The following ADGRB3 variants were observed in gnomAD, a reference collection of about 807,000 sequenced individuals.
ADGRB3 encodes the protein brain-specific angiogenesis inhibitor 3.
In ADGRB3, 37 loss-of-function variants were observed where a neutral mutation model predicts 193.4. The observed-to-expected ratio is 0.19, with a 90% confidence interval of 0.15 to 0.25. ADGRB3 has a LOEUF of 0.25. Ranked by LOEUF, ADGRB3 falls within the 10% of genes least tolerant of loss-of-function variation. The pLI is 1.00. For synonymous variants in ADGRB3, 690 were observed against 644.2 expected, an observed-to-expected ratio of 1.07 and a Z score of -1.08; for missense variants, 1,637 against 1,852.9, an observed-to-expected ratio of 0.88 and a Z score of 2.14.
intron 3 of ADGRB3, among the ~76,000 whole-genome samples, chr6:68,655,570 G>C (rs1768472120): frequency 1.3e-5 from 2 of 151,616 alleles, no homozygotes; most frequent in African/African-American, 4.8e-5. Flanking sequence ...AATGCCTCCT[G>C]GACTGTTAAG....
At chr6:68,714,681 T>A (rs1179330975) in intron 3 of ADGRB3, among the ~76,000 whole-genome samples, 2 of 151,886 alleles carry the variant, frequency 1.3e-5, no homozygotes, top group Non-Finnish European at 1.5e-5. Context: ...ATATATGGTA[T>A]ATCTCAGGAA....
Position 68,936,674 on chromosome 6 carries a change from TGTCCAG to T in ADGRB3, c.1027_1030+2del. The stretch of plus-strand genomic sequence containing the variant: ...AAGGGTTTGCAATAACACTGCCCTC[TGTCCAG>T]GTAGTGTTAGCAGCAACTACAACTG... On this transcript the variant is annotated inframe_deletion and splice_region_variant, in exon 5 of 32. Transcript: ENST00000370598. 1 of 1,612,640 alleles carries T rather than the reference TGTCCAG, an allele frequency of 6.2e-7. No homozygotes were observed. Among genetic ancestry groups the T allele is most frequent in the Non-Finnish European group, 8.5e-7 (1 of 1,179,434 alleles).
intron 2 of ADGRB3, 116 bp downstream of exon 2, chr6:68,637,678 G>A (rs1328008863): frequency 6.6e-6 from 1 of 152,388 alleles, no homozygotes; most frequent in Non-Finnish European, 1.5e-5. Context: ...TTTAATAATT[G>A]AAATCTGCTA....
At chr6:68,964,295 A>T (rs1442332838) in intron 8 of ADGRB3, among the ~76,000 whole-genome samples, 1 of 152,134 alleles carries the variant, frequency 6.6e-6, no homozygotes, top group Admixed American at 6.6e-5. Flanking sequence ...TTTAAGCCAG[A>T]GCTTCTCAAG....
chr6:68,958,829 ATAATT>A (rs1449359270), intron 8 of ADGRB3, among the ~76,000 whole-genome samples: 1 of 151,948 alleles, frequency 6.6e-6, no homozygotes, highest in Non-Finnish European at 1.5e-5. Context: ...AATCAGCTAA[ATAATT>A]TAAACATCAC....
chr6:69,291,150 CTGAGGAATAAAAG>C (rs1157646020), intron 20 of ADGRB3, among the ~76,000 whole-genome samples: 1 of 152,024 alleles, frequency 6.6e-6, no homozygotes, highest in Non-Finnish European at 1.5e-5. Context: ...ATTTGCTTTG[CTGAGGAATAAAAG>C]TGAGGGATAA....
At chr6:68,847,828 A>C (rs748954511) in intron 3 of ADGRB3, among the ~76,000 whole-genome samples, 5 of 152,142 alleles carry the variant, frequency 3.3e-5, no homozygotes, top group African/African-American at 4.8e-5. Flanking sequence ...AAAAGGAGTA[A>C]GTAAAATGTA....
chr6:69,309,988 A>C (rs1009786346), intron 20 of ADGRB3, among the ~76,000 whole-genome samples: 1 of 151,616 alleles, frequency 6.6e-6, no homozygotes, highest in Non-Finnish European at 1.5e-5. Context: ...GTCTTCCTCA[A>C]CCTTGGCCCA....
chr6:68,707,665 T>C (rs1404813830), intron 3 of ADGRB3, among the ~76,000 whole-genome samples: 1 of 152,172 alleles, frequency 6.6e-6, no homozygotes, highest in Non-Finnish European at 1.5e-5. Flanking sequence ...TTAAAATAAG[T>C]TCATCAATTC....
intron 3 of ADGRB3, among the ~76,000 whole-genome samples, chr6:68,890,382 T>C (rs1332266713): frequency 2.0e-5 from 3 of 152,216 alleles, no homozygotes; most frequent in Non-Finnish European, 4.4e-5. Context: ...TCTGAGGGAC[T>C]ACAACGTGAC....
At chr6:68,815,637 GT>G (rs1158471287) in intron 3 of ADGRB3, among the ~76,000 whole-genome samples, 4 of 146,578 alleles carry the variant, frequency 2.7e-5, no homozygotes, top group African/African-American at 1.0e-4. Flanking sequence ...GTGTGTGTGT[GT>G]GTGCATGTAG....
At chr6:68,808,878 G>A (rs554269872) in intron 3 of ADGRB3, among the ~76,000 whole-genome samples, 65 of 152,256 alleles carry the variant, frequency 4.3e-4, no homozygotes, top group African/African-American at 1.5e-3. Context: ...GAGTAACACT[G>A]CGTGTTGTTA....
At chr6:68,855,510 T>C (rs1160812456) in intron 3 of ADGRB3, among the ~76,000 whole-genome samples, 6 of 151,930 alleles carry the variant, frequency 3.9e-5, no homozygotes, top group African/African-American at 1.4e-4. Context: ...ATATAATATA[T>C]GTGATTTATT....
chr6:68,769,253 A>G (rs933498082), intron 3 of ADGRB3, among the ~76,000 whole-genome samples: 2 of 152,176 alleles, frequency 1.3e-5, no homozygotes, highest in Non-Finnish European at 2.9e-5. Context: ...TGTTTATTGC[A>G]GCACTATTCA....
At chr6:69,260,143 A>G (rs1235711735) in intron 20 of ADGRB3, among the ~76,000 whole-genome samples, 1 of 152,200 alleles carries the variant, frequency 6.6e-6, no homozygotes, top group Non-Finnish European at 1.5e-5. Flanking sequence ...CGAAGATTTG[A>G]AGGAGGAACA....
Position 69,078,231 on chromosome 6 carries a change from A to C in ADGRB3, c.2480+2193A>C, listed in dbSNP as rs1232439656. ...AAGTTGCTGTTATTTTTAATTTTTA[A>C]AAATTGATTTTTAATTACAAAAGCA... On this transcript the variant is annotated intron_variant, in intron 17 of 31. Coordinates refer to ENST00000370598, the MANE Select transcript of ADGRB3 (RefSeq NM_001704.3). Among the ~76,000 whole-genome samples the C allele has an allele frequency of 2.6e-5, 4 of 151,928 alleles. No individual in the cohort carries two copies. The East Asian group carries it at 7.7e-4, about 29-fold the overall frequency.
chr6:68,752,663 G>A (rs1002418117), intron 3 of ADGRB3, among the ~76,000 whole-genome samples: 5 of 152,296 alleles, frequency 3.3e-5, no homozygotes, highest in Middle Eastern at 3.4e-3. Context: ...TTTGAAATGA[G>A]AAGGTGGGTC....
chr6:68,883,592 C>T (rs1765802786), intron 3 of ADGRB3, among the ~76,000 whole-genome samples: 2 of 151,956 alleles, frequency 1.3e-5, no homozygotes, highest in South Asian at 4.2e-4. Context: ...GAGTGAACAA[C>T]TCTGGACTGG....
intron 13 of ADGRB3, among the ~76,000 whole-genome samples, chr6:69,028,355 T>A (rs3799016): frequency 0.42 from 64,558 of 151,992 alleles, 14,402 homozygotes; most frequent in African/African-American, 0.47. Context: ...TTGTTTTTGT[T>A]TTTAATAAAA....
Sources: gnomAD v4.1 joint callset for allele counts (sites outside exome capture counted in the v4.1 genomes callset) on GRCh38, gnomAD v4.1.1 for gene constraint, MANE v1.5 for transcripts, NCBI Gene and HGNC (gene_info 2026-07-23, HGNC 2026-07-21) for gene names.